LRRC8C: variants seen among roughly 807,000 people sequenced by gnomAD.
LRRC8C encodes the protein volume-regulated anion channel subunit LRRC8C.
A neutral mutation model predicts 55.3 loss-of-function variants in LRRC8C; 20 were observed. The ratio of observed to expected loss-of-function variants is 0.36; its 90% CI spans 0.25 to 0.53. The LOEUF is 0.53. LRRC8C is among the 20% of genes least tolerant of loss of function. The probability of loss-of-function intolerance (pLI) is 0.92; values close to 1 mark genes in which losing one functional copy is unlikely to be tolerated. For synonymous variants in LRRC8C, 376 were observed against 360.7 expected (o/e 1.04, Z -0.48); for missense variants, 659 against 951.4 (o/e 0.69, Z 4.04).
intron 1 of LRRC8C, among the ~76,000 whole-genome samples, chr1:89,674,692 C>G (rs1404027742): frequency 6.6e-6 from 1 of 152,084 alleles, no homozygotes; most frequent in African/African-American, 2.4e-5. Context: ...CAACAGCTGG[C>G]ATGAGATGGA....
At chr1:89,683,651 G>A (rs776815261) in intron 1 of LRRC8C, among the ~76,000 whole-genome samples, 1 of 152,022 alleles carries the variant, frequency 6.6e-6, no homozygotes, top group Non-Finnish European at 1.5e-5. Context: ...ACTGAGCCTG[G>A]CCACTAATTA....
At chr1:89,667,514 A>T (rs1480161186) in intron 1 of LRRC8C, among the ~76,000 whole-genome samples, 1 of 152,158 alleles carries the variant, frequency 6.6e-6, no homozygotes, top group East Asian at 1.9e-4. Flanking sequence ...AGTTACTTAT[A>T]TTGGGAAAAA....
intron 1 of LRRC8C, among the ~76,000 whole-genome samples, chr1:89,665,877 T>G (rs1350158127): frequency 6.6e-6 from 1 of 152,188 alleles, no homozygotes; most frequent in Admixed American, 6.5e-5. Flanking sequence ...AGGTGTACTA[T>G]TTTTAATCTT....
Position 89,714,547 on chromosome 1 carries a change from C to G in LRRC8C, c.1977C>G (p.Leu659=), listed in dbSNP as rs1484478498. The G allele has an allele frequency of 6.2e-7, 1 of 1,614,186 alleles. No individual in the cohort carries two copies. The highest frequency in any genetic ancestry group is 8.5e-7 in the Non-Finnish European group (1 of 1,180,032). ...ACATCCCAGAGCATATAAAGAAACT[C>G]ACCAGCCTGGAACGCCTGTCCTTTA... ...ITYIPEHIKK[L]TSLERLSFSH... Residue 659 remains leucine (L), a synonymous_variant, in exon 3 of 3, where the codon CTC becomes CTG. Coordinates refer to ENST00000370454, the MANE Select transcript of LRRC8C (RefSeq NM_032270.5). The surrounding 1 kb of genome is among the most constrained non-coding windows in gnomAD (Gnocchi z 4.6).
At chr1:89,693,033 C>A (rs1343778) in intron 2 of LRRC8C, among the ~76,000 whole-genome samples, 48,292 of 151,938 alleles carry the variant, frequency 0.32, 8,141 homozygotes, top group East Asian at 0.51. Context: ...CCTAGGGGAC[C>A]TGCCTTGTGA....
intron 1 of LRRC8C, among the ~76,000 whole-genome samples, chr1:89,661,001 C>T (rs1260752271): frequency 6.6e-6 from 1 of 152,148 alleles, no homozygotes; most frequent in East Asian, 1.9e-4. Context: ...CTTTTGTATT[C>T]CTTTGCTTGT....
intron 1 of LRRC8C, among the ~76,000 whole-genome samples, chr1:89,643,667 A>G (rs779968614): frequency 9.9e-5 from 15 of 152,214 alleles, no homozygotes; most frequent in Non-Finnish European, 1.9e-4. Flanking sequence ...TTCAATTTTG[A>G]AAGGATTTTT....
At chr1:89,661,972 C>T (rs572092667) in intron 1 of LRRC8C, among the ~76,000 whole-genome samples, 164 of 152,236 alleles carry the variant, frequency 1.1e-3, no homozygotes, top group Non-Finnish European at 1.8e-3. Context: ...CCTGCAGATA[C>T]CAGGAAGATG....
chr1:89,619,118 C>A, the LRRC8C span, among the ~76,000 whole-genome samples: 4 of 152,128 alleles, frequency 2.6e-5, no homozygotes, highest in Non-Finnish European at 5.9e-5. Context: ...GCTATTTCTT[C>A]CTGCATGCGA....
At chr1:89,667,803 G>C (rs980891552) in intron 1 of LRRC8C, among the ~76,000 whole-genome samples, 3 of 152,152 alleles carry the variant, frequency 2.0e-5, no homozygotes, top group Admixed American at 1.3e-4. Context: ...CCATGGGTTA[G>C]AAAGAGACTT....
intron 1 of LRRC8C, among the ~76,000 whole-genome samples, chr1:89,666,009 G>A (rs998669916): frequency 5.9e-5 from 9 of 152,246 alleles, no homozygotes; most frequent in African/African-American, 2.2e-4. Context: ...AGGAGCAAGA[G>A]GCCAAACCCT....
chr1:89,629,344 G>C (rs1302055137), upstream of LRRC8C, among the ~76,000 whole-genome samples: 1 of 152,206 alleles, frequency 6.6e-6, no homozygotes, highest in Non-Finnish European at 1.5e-5. Context: ...GGTGGATAGA[G>C]AATGCAGCGT....
intron 1 of LRRC8C, chr1:89,676,344 T>C (rs1657547227): frequency 6.6e-6 from 1 of 152,212 alleles, no homozygotes; most frequent in East Asian, 1.9e-4. Flanking sequence ...GACAGAACAT[T>C]GTGCATTAAA....
intron 1 of LRRC8C, among the ~76,000 whole-genome samples, chr1:89,680,984 TTAC>T (rs1358916954): frequency 2.6e-5 from 4 of 152,244 alleles, no homozygotes; most frequent in African/African-American, 7.2e-5. Flanking sequence ...ATTAAAAATA[TTAC>T]ACTTCCAAAG....
intron 2 of LRRC8C, chr1:89,706,247 T>G (rs1462837023): frequency 6.6e-6 from 3 of 455,012 alleles, no homozygotes; most frequent in Non-Finnish European, 1.3e-5. Context: ...ATGTTCTACA[T>G]GTCTGGCATG....
At chr1:89,651,628 T>G (rs1656786116) in intron 1 of LRRC8C, among the ~76,000 whole-genome samples, 1 of 148,952 alleles carries the variant, frequency 6.7e-6, no homozygotes, top group East Asian at 2.0e-4. Flanking sequence ...ACCCTAAGTA[T>G]TTGCTTTCCC....
chr1:89,712,615 AT>A (rs1658680215), intron 2 of LRRC8C, 93 bp from the exon 3 acceptor site: 1 of 832,960 alleles, frequency 1.2e-6, no homozygotes, highest in Non-Finnish European at 1.9e-6. Context: ...GGAAATGGAC[AT>A]TTATTGGATG....
At chr1:89,655,698 C>T (rs115701101) in intron 1 of LRRC8C, among the ~76,000 whole-genome samples, 1,736 of 152,260 alleles carry the variant, frequency 0.011, 16 homozygotes, top group Non-Finnish European at 0.019. Context: ...GGGGGCAAAT[C>T]GACTCCCAAG....
Position 89,718,566 on chromosome 1 carries a change from CTCTAA to C in LRRC8C, c.*3591_*3595del, listed in dbSNP as rs908325263. ...TCATTCTTTAAGTAGTTTCTTTTAC[CTCTAA>C]TCTAATTTCATACCAAATACCTGAT... On this transcript the variant is annotated 3_prime_UTR_variant, in exon 3 of 3. Transcript: ENST00000370454. The C allele has an allele frequency of 3.3e-5, 5 of 151,892 alleles. No homozygotes were observed. Among genetic ancestry groups the C allele is most frequent in the Non-Finnish European group, 5.9e-5 (4 of 67,950 alleles). 9.4% of individuals were successfully genotyped at this position (151,892 alleles called of 1,614,324 possible).
Sources: allele counts gnomAD v4.1 joint callset (sites outside exome capture counted in the v4.1 genomes callset), GRCh38; gene constraint gnomAD v4.1.1; non-coding constraint Gnocchi (gnomAD v3.1); transcripts MANE v1.5; gene names NCBI Gene and HGNC (gene_info 2026-07-23, HGNC 2026-07-21).